The following KAZN variants were observed in gnomAD, a reference collection of about 807,000 sequenced individuals.
KAZN encodes the protein kazrin.
A neutral mutation model predicts 87.4 loss-of-function variants in KAZN; 40 were observed. The observed-to-expected ratio is 0.46, with a 90% CI of 0.36 to 0.60. KAZN has a LOEUF of 0.60. KAZN is among the 20% of genes least tolerant of loss of function. The pLI, the probability that KAZN is intolerant of heterozygous loss-of-function variation, is 0.00. For synonymous variants in KAZN, 466 were observed against 458.3 expected (o/e 1.02, Z -0.22); for missense variants, 898 against 1,073.9 (o/e 0.84, Z 2.29).
chr1:13,936,631 CTTTCTG>C (rs966841159), intron 1 of KAZN, among the ~76,000 whole-genome samples: 6 of 152,164 alleles, frequency 3.9e-5, no homozygotes, highest in Non-Finnish European at 7.4e-5. Flanking sequence ...CACTATTTGA[CTTTCTG>C]TTTCTGAATT....
At chr1:14,640,442 G>A (rs1428783332) in intron 1 of KAZN, among the ~76,000 whole-genome samples, 1 of 152,118 alleles carries the variant, frequency 6.6e-6, no homozygotes, top group Non-Finnish European at 1.5e-5. Context: ...CAGGGCAGTG[G>A]GTATTCAGGT....
chr1:14,179,591 A>C (rs975561228), intron 1 of KAZN, among the ~76,000 whole-genome samples: 1 of 152,196 alleles, frequency 6.6e-6, no homozygotes, highest in African/African-American at 2.4e-5. Context: ...GGCTTTATGG[A>C]GAATGCCTAG....
At chr1:14,059,571 G>A (rs1031902183) in intron 1 of KAZN, among the ~76,000 whole-genome samples, 2 of 152,114 alleles carry the variant, frequency 1.3e-5, no homozygotes, top group Non-Finnish European at 2.9e-5. Flanking sequence ...CCCAGTCCAC[G>A]GACTCAAAAG....
At position 14,438,645 on chromosome 1, in the gene KAZN, C is replaced by A. The variant is rs116676575; in HGVS notation, c.250-160338C>A. On this transcript the variant is annotated intron_variant, in intron 2 of 16. Coordinates refer to the KAZN transcript ENST00000636203. ...GGTATGAGCAGCAATGAGTAGGAGA[C>A]CAGATGGGACAAGTGAGAGTGTTGT... is the stretch of plus-strand genomic sequence containing the variant. 1.5e-3 allele frequency among the ~76,000 whole-genome samples: 233 copies of A among 152,234 alleles called. 2 individuals carry two copies. Among genetic ancestry groups the A allele is most frequent in the African/African-American group, 5.3e-3 (221 of 41,534 alleles).
chr1:14,337,913 G>T (rs1036278505), intron 2 of KAZN, among the ~76,000 whole-genome samples: 15 of 139,840 alleles, frequency 1.1e-4, no homozygotes, highest in African/African-American at 3.9e-4. Context: ...AAAAAAAAAA[G>T]AGCCTCCTCT....
At chr1:14,717,496 T>A (rs1055579126) in intron 1 of KAZN, among the ~76,000 whole-genome samples, 3 of 152,148 alleles carry the variant, frequency 2.0e-5, no homozygotes, top group Admixed American at 6.6e-5. Context: ...ATCCGATCTC[T>A]GCCCCTATCT....
At chr1:15,009,992 G>GTT (rs563436315) in intron 2 of KAZN, among the ~76,000 whole-genome samples, 250 of 152,226 alleles carry the variant, frequency 1.6e-3, no homozygotes, top group African/African-American at 5.9e-3. Flanking sequence ...ATCAGATACT[G>GTT]TTATTACTCA....
At chr1:14,455,629 C>T (rs751960956) in intron 2 of KAZN, among the ~76,000 whole-genome samples, 1 of 152,192 alleles carries the variant, frequency 6.6e-6, no homozygotes, top group Non-Finnish European at 1.5e-5. Flanking sequence ...GTTGACCTGG[C>T]ATGTGGTGTT....
intron 1 of KAZN, among the ~76,000 whole-genome samples, chr1:13,912,605 A>G (rs1455243687): frequency 6.9e-6 from 1 of 143,938 alleles, no homozygotes; most frequent in Non-Finnish European, 1.6e-5. Flanking sequence ...ATCCTACCTA[A>G]TGCAATTCTT....
intron 2 of KAZN, among the ~76,000 whole-genome samples, chr1:14,366,749 T>C (rs1365823461): frequency 6.6e-6 from 1 of 152,226 alleles, no homozygotes; most frequent in Non-Finnish European, 1.5e-5. Flanking sequence ...ATGGCTTAAG[T>C]GTTAACAGCT....
At chr1:14,635,683 G>A (rs1255603125) in intron 1 of KAZN, among the ~76,000 whole-genome samples, 1 of 152,204 alleles carries the variant, frequency 6.6e-6, no homozygotes, top group Non-Finnish European at 1.5e-5. Flanking sequence ...AGAGAGCTGC[G>A]TGCTTCAGGT....
At chr1:14,516,864 G>A (rs977113176) in intron 2 of KAZN, among the ~76,000 whole-genome samples, 4 of 151,898 alleles carry the variant, frequency 2.6e-5, no homozygotes, top group East Asian at 1.9e-4. Flanking sequence ...AGACTTTCTC[G>A]GTAAGAAAAG....
intron 2 of KAZN, among the ~76,000 whole-genome samples, chr1:14,980,221 A>G (rs1666089968): frequency 6.6e-6 from 1 of 152,186 alleles, no homozygotes; most frequent in Non-Finnish European, 1.5e-5. Context: ...CCAGCTGTTT[A>G]CTGTAAATAT....
intron 2 of KAZN, among the ~76,000 whole-genome samples, chr1:14,399,231 G>C (rs909788810): frequency 4.0e-5 from 6 of 151,846 alleles, no homozygotes; most frequent in Non-Finnish European, 8.8e-5. Context: ...TGCGCAGGCT[G>C]GTCTCAAACT....
intron 1 of KAZN, among the ~76,000 whole-genome samples, chr1:14,651,257 A>G (rs544731155): frequency 6.6e-6 from 1 of 152,358 alleles, no homozygotes; most frequent in South Asian, 2.1e-4. Flanking sequence ...TCCAGTGTTT[A>G]GGAGAAATAT....
intron 2 of KAZN, among the ~76,000 whole-genome samples, chr1:14,243,428 G>A (rs927271067): frequency 2.6e-5 from 4 of 152,094 alleles, no homozygotes; most frequent in African/African-American, 4.8e-5. Flanking sequence ...TTGTAACATC[G>A]ACATATAAAT....
At chr1:14,531,281 G>A (rs757985519) in intron 2 of KAZN, among the ~76,000 whole-genome samples, 3 of 152,228 alleles carry the variant, frequency 2.0e-5, no homozygotes, top group Non-Finnish European at 2.9e-5. Flanking sequence ...TTCCCAGTCC[G>A]CCAAAGATCA....
chr1:13,977,795 C>G (rs1638436235), intron 1 of KAZN, among the ~76,000 whole-genome samples: 2 of 152,108 alleles, frequency 1.3e-5, no homozygotes, highest in African/African-American at 4.8e-5. Flanking sequence ...AGAAAAATGA[C>G]CTCAGGATTC....
intron 1 of KAZN, among the ~76,000 whole-genome samples, chr1:14,054,661 A>T (rs2101481994): frequency 6.6e-6 from 1 of 152,334 alleles, no homozygotes; most frequent in Non-Finnish European, 1.5e-5. Flanking sequence ...TAGGTGACAA[A>T]GGCCAAAAGG....
Sources: gnomAD v4.1 joint callset for allele counts (sites outside exome capture counted in the v4.1 genomes callset) on GRCh38, gnomAD v4.1.1 for gene constraint, MANE v1.5 for transcripts, NCBI Gene and HGNC (gene_info 2026-07-23, HGNC 2026-07-21) for gene names.